IGF1R: variants seen among roughly 807,000 people sequenced by gnomAD.
IGF1R encodes insulin-like growth factor 1 receptor.
Under a neutral mutation model 144.6 loss-of-function variants are expected in IGF1R, and 44 were observed. The ratio of observed to expected loss-of-function variants is 0.30; its 90% CI spans 0.24 to 0.39. IGF1R has a LOEUF of 0.39. Ranked by LOEUF, IGF1R falls within the 10% of genes least tolerant of loss-of-function variation. The pLI, the probability that IGF1R is intolerant of heterozygous loss-of-function variation, is 1.00. For missense variants in IGF1R, 1,355 were observed against 1,833.7 expected (o/e 0.74, Z 4.77); for synonymous variants, 795 against 722.8 (o/e 1.10, Z -1.60).
In IGF1R at chr15:98,962,981, G is replaced by C; in HGVS notation, c.*5539G>C. 4.3e-6 allele frequency: 1 copy of C among 233,664 alleles called. No individual in the cohort carries two copies. Among genetic ancestry groups the C allele is most frequent in the Non-Finnish European group, 8.5e-6 (1 of 118,054 alleles). The allele number at this position is 233,664 out of a possible 1,614,324, so 14.5% of individuals were successfully genotyped here. A position where few individuals can be genotyped will look rare whatever the true frequency, so the allele number is the denominator to read the frequency against. On this transcript the variant is annotated 3_prime_UTR_variant, in exon 21 of 21. Coordinates refer to ENST00000650285, the MANE Select transcript of IGF1R (RefSeq NM_000875.5). ...ACGTGTGTGTGTCCGCATCTTTCTG[G>C]TCAACATTGTTTTAACTAGTCACTC...
chr15:98,949,078 TGAAGTC>T (rs2016670275), intron 20 of IGF1R, among the ~76,000 whole-genome samples: 1 of 152,178 alleles, frequency 6.6e-6, no homozygotes, highest in Admixed American at 6.5e-5. Context: ...CATACTACTC[TGAAGTC>T]GAATTCAAGA....
At chr15:98,762,751 A>G (rs2141355516) in intron 2 of IGF1R, among the ~76,000 whole-genome samples, 1 of 151,990 alleles carries the variant, frequency 6.6e-6, no homozygotes, top group Non-Finnish European at 1.5e-5. Context: ...CTAAAACAAA[A>G]ACAAAAACAA....
Position 98,913,124 on chromosome 15 carries a change from C to G in IGF1R, c.1670C>G (p.Pro557Arg). 6.2e-7 allele frequency: 1 copy of G among 1,614,200 alleles called. No homozygotes were observed. Among genetic ancestry groups the G allele is most frequent in the Non-Finnish European group, 8.5e-7 (1 of 1,180,010 alleles). ...TGGAACATGGTGGACGTGGACCTCC[C>G]GCCCAACAAGGACGTGGAGCCCGGC... Reference protein sequence around the residue: ...NSWNMVDVDLPPNKDVEPGIL... With the variant: ...NSWNMVDVDLRPNKDVEPGIL... The change falls in exon 8 of 21, where the codon CCG (proline) becomes CGG (arginine). Residue 557 changes from proline to arginine, a missense_variant. Physicochemically the swap from Pro to Arg is moderately radical, Grantham distance 103. Transcript: ENST00000650285.
At chr15:98,828,325 A>G (rs777723022) in intron 2 of IGF1R, among the ~76,000 whole-genome samples, 2 of 152,090 alleles carry the variant, frequency 1.3e-5, no homozygotes, top group Non-Finnish European at 2.9e-5. Flanking sequence ...CCAAAAACCT[A>G]CAAAAAGCCA....
intron 1 of IGF1R, among the ~76,000 whole-genome samples, chr15:98,690,130 C>A (rs1225882044): frequency 6.6e-6 from 1 of 152,040 alleles, no homozygotes; most frequent in Non-Finnish European, 1.5e-5. Context: ...TTTCTTGAGT[C>A]CAGGAGTTCA....
chr15:98,841,011 G>A (rs1376279777), intron 2 of IGF1R, among the ~76,000 whole-genome samples: 2 of 152,008 alleles, frequency 1.3e-5, no homozygotes, highest in Non-Finnish European at 2.9e-5. Context: ...CCTTTCGCTT[G>A]TAGCCTCCCG....
At chr15:98,688,414 C>CTGTGTGTGTGTGTGTGTGTG (rs10528336) in intron 1 of IGF1R, among the ~76,000 whole-genome samples, 1 of 143,506 alleles carries the variant, frequency 7.0e-6, no homozygotes, top group East Asian at 2.2e-4. Flanking sequence ...CAACACACAC[C>CTGTGTGTGTGTGTGTGTGTG]TGTGTGTGTG....
At chr15:98,752,930 C>CTTT (rs1277469191) in intron 2 of IGF1R, among the ~76,000 whole-genome samples, 8 of 130,416 alleles carry the variant, frequency 6.1e-5, no homozygotes, top group African/African-American at 8.4e-5. Flanking sequence ...GAAAATCATA[C>CTTT]TATTTTTTTT....
At chr15:98,849,093 C>G (rs1412708493) in intron 2 of IGF1R, among the ~76,000 whole-genome samples, 1 of 151,972 alleles carries the variant, frequency 6.6e-6, no homozygotes, top group Non-Finnish European at 1.5e-5. Flanking sequence ...CAAAAACAAA[C>G]AAACAAAAAA....
At chr15:98,779,851 C>T (rs562267218) in intron 2 of IGF1R, among the ~76,000 whole-genome samples, 7 of 152,244 alleles carry the variant, frequency 4.6e-5, no homozygotes, top group African/African-American at 1.7e-4. Context: ...ATGACAGAGG[C>T]GAACCCAAGC....
At chr15:98,770,480 A>G (rs530494282) in intron 2 of IGF1R, among the ~76,000 whole-genome samples, 1 of 152,236 alleles carries the variant, frequency 6.6e-6, no homozygotes, top group South Asian at 2.1e-4. Context: ...TTCCCAACAC[A>G]TAGAAAGGAT....
chr15:98,747,564 A>G (rs62024535), intron 2 of IGF1R, among the ~76,000 whole-genome samples: 36,323 of 152,140 alleles, frequency 0.24, 5,278 homozygotes, highest in Middle Eastern at 0.32. Context: ...GTTATTTTGC[A>G]TCTTAGATTC....
chr15:98,705,360 G>A (rs914933233), intron 1 of IGF1R, among the ~76,000 whole-genome samples: 8 of 152,176 alleles, frequency 5.3e-5, no homozygotes, highest in African/African-American at 1.9e-4. Context: ...GTAACCAGGA[G>A]GTGAGGGTGC....
intron 18 of IGF1R, among the ~76,000 whole-genome samples, chr15:98,941,774 G>GT (rs2016374461): frequency 6.6e-6 from 1 of 152,188 alleles, no homozygotes; most frequent in Non-Finnish European, 1.5e-5. Flanking sequence ...TGTTCTCTTT[G>GT]TGTTTGCTTT....
intron 2 of IGF1R, among the ~76,000 whole-genome samples, chr15:98,818,027 A>G (rs914088656): frequency 1.4e-4 from 21 of 152,212 alleles, no homozygotes; most frequent in Admixed American, 4.6e-4. Flanking sequence ...TTCTCACTGT[A>G]TCCTCATATA....
intron 2 of IGF1R, among the ~76,000 whole-genome samples, chr15:98,869,778 C>A (rs1411728786): frequency 6.6e-6 from 1 of 152,212 alleles, no homozygotes; most frequent in African/African-American, 2.4e-5. Flanking sequence ...ATCTTAAAGT[C>A]TGTATGTGCA....
chr15:98,882,036 T>C (rs1054384754), intron 2 of IGF1R, among the ~76,000 whole-genome samples: 14 of 152,306 alleles, frequency 9.2e-5, no homozygotes, highest in Middle Eastern at 6.8e-3. Flanking sequence ...GAGCCAGCTA[T>C]GTTTGATGAT....
intron 2 of IGF1R, among the ~76,000 whole-genome samples, chr15:98,768,853 A>G (rs1472266934): frequency 6.7e-6 from 1 of 149,448 alleles, no homozygotes; most frequent in Non-Finnish European, 1.5e-5. Flanking sequence ...GCGTGAGCCC[A>G]GGAGGCGGAG....
At position 98,957,648 on chromosome 15, in the gene IGF1R, T is replaced by C. The variant is rs1487054776; in HGVS notation, c.*206T>C. 1.6e-6 allele frequency: 1 copy of C among 632,568 alleles called. No individual in the cohort carries two copies. The highest frequency in any genetic ancestry group is 2.8e-6 in the Non-Finnish European group (1 of 361,672). 39.2% of individuals were successfully genotyped at this position (632,568 alleles called of 1,614,324 possible). A position where few individuals can be genotyped will look rare whatever the true frequency, so the allele number is the denominator to read the frequency against. ...TTTTCAATATGCAAGCAGCTTTTTATTCCCTGCCCAAACCCTTAACTGACA... is the reference window on the plus strand; with the variant it reads ...TTTTCAATATGCAAGCAGCTTTTTACTCCCTGCCCAAACCCTTAACTGACA... On this transcript the variant is annotated 3_prime_UTR_variant, in exon 21 of 21. Coordinates refer to ENST00000650285, the MANE Select transcript of IGF1R (RefSeq NM_000875.5).
Sources: allele counts gnomAD v4.1 joint callset (sites outside exome capture counted in the v4.1 genomes callset), GRCh38; gene constraint gnomAD v4.1.1; transcripts MANE v1.5; gene names NCBI Gene and HGNC (gene_info 2026-07-23, HGNC 2026-07-21).